Variants in ZMYM2 observed in about 807,000 individuals in gnomAD.
ZMYM2 encodes zinc finger MYM-type containing 2.
ZMYM2 carries 56 observed loss-of-function variants against 162.8 expected under a neutral mutation model. The ratio of observed to expected loss-of-function variants is 0.34; its 90% CI spans 0.28 to 0.43. ZMYM2 has a LOEUF of 0.43. Ranked by LOEUF, ZMYM2 falls within the 20% of genes least tolerant of loss-of-function variation. The probability of loss-of-function intolerance (pLI) is 1.00; values close to 1 mark genes in which losing one functional copy is unlikely to be tolerated. For missense variants in ZMYM2, 1,275 were observed against 1,621.8 expected, an observed-to-expected ratio of 0.79 and a Z score of 3.67; for synonymous variants, 510 against 541.6, an observed-to-expected ratio of 0.94 and a Z score of 0.81.
chr13:19,873,190 A>G, the ZMYM2 span, among the ~76,000 whole-genome samples: 1 of 152,032 alleles, frequency 6.6e-6, no homozygotes, highest in African/African-American at 2.4e-5. Context: ...GATTGTATCA[A>G]TGGTCCCAAT....
the ZMYM2 span, among the ~76,000 whole-genome samples, chr13:19,879,372 T>C: frequency 6.6e-6 from 1 of 152,202 alleles, no homozygotes; most frequent in South Asian, 2.1e-4. Flanking sequence ...ACTCAGGAAT[T>C]TGAGGCCAGT....
chr13:20,074,803 G>A (rs538887753), intron 21 of ZMYM2, among the ~76,000 whole-genome samples: 86 of 151,824 alleles, frequency 5.7e-4, no homozygotes, highest in Non-Finnish European at 1.1e-3. Context: ...CTCCCAAAGT[G>A]TTGGGATTAC....
At chr13:20,031,170 G>T in intron 9 of ZMYM2, 149 bp from the exon 10 acceptor site, 2 of 489,026 alleles carry the variant, frequency 4.1e-6, no homozygotes, top group Non-Finnish European at 3.5e-6. Flanking sequence ...AATTTTTAAG[G>T]ACAAAATTTG....
rs145851588 is a variant in ZMYM2, at chr13:20,069,787, A to G, written c.3453+2397A>G. On this transcript the variant is annotated intron_variant, in intron 21 of 24. Coordinates refer to ENST00000610343, the MANE Select transcript of ZMYM2 (RefSeq NM_197968.4). ...AGTTCAGAGTTTTCTTTTTTTAACG[A>G]TAATTTATATTTATAAAGAACATTG... 3.2e-3 allele frequency among the ~76,000 whole-genome samples: 480 copies of G among 151,932 alleles called. 5 individuals are homozygous for G. The highest frequency in any genetic ancestry group is 0.011 in the African/African-American group (454 of 41,480).
chr13:19,996,426 TA>T (rs556538792), intron 3 of ZMYM2, among the ~76,000 whole-genome samples: 9 of 146,720 alleles, frequency 6.1e-5, no homozygotes, highest in African/African-American at 1.0e-4. Context: ...CTACTAAAGA[TA>T]AAAAAAAAAC....
Position 20,025,341 on chromosome 13 carries a change from A to G in ZMYM2, c.1585-1271A>G, listed in dbSNP as rs146772687. 7.6e-4 allele frequency: 145 copies of G among 191,462 alleles called. 1 individual carries two copies. The highest frequency in any genetic ancestry group is 3.0e-3 in the African/African-American group (129 of 43,136). 11.9% of individuals were successfully genotyped at this position (191,462 alleles called of 1,614,324 possible). On this transcript the variant is annotated intron_variant, in intron 7 of 24. Transcript: ENST00000610343. ...AACTTGACTATGACAGAGTTCTGCA[A>G]CCACTCAGAGGATCAAAACAACTTG... is the stretch of plus-strand genomic sequence containing the variant.
At chr13:19,925,224 C>A in the ZMYM2 span, among the ~76,000 whole-genome samples, 3 of 152,256 alleles carry the variant, frequency 2.0e-5, no homozygotes, top group South Asian at 6.2e-4. Context: ...AGTGGCTGTG[C>A]TGTTTTATAT....
intron 11 of ZMYM2, among the ~76,000 whole-genome samples, chr13:20,035,098 A>C (rs1016346873): frequency 5.3e-5 from 8 of 152,144 alleles, no homozygotes; most frequent in Non-Finnish European, 1.0e-4. Flanking sequence ...CATGGCACTG[A>C]ACTCCCAGCT....
the ZMYM2 span, among the ~76,000 whole-genome samples, chr13:19,917,039 T>G: frequency 6.6e-6 from 1 of 152,164 alleles, no homozygotes; most frequent in African/African-American, 2.4e-5. Context: ...CTCCGCTCGC[T>G]GCAAACTCTG....
intron 4 of ZMYM2, among the ~76,000 whole-genome samples, chr13:20,004,114 C>G (rs531558973): frequency 2.0e-5 from 3 of 152,322 alleles, no homozygotes; most frequent in Admixed American, 6.5e-5. Context: ...TTAGTGTTCT[C>G]TACATGTTTA....
At chr13:19,956,110 T>TA (rs1954509714), upstream of ZMYM2, among the ~76,000 whole-genome samples, 1 of 152,192 alleles carries the variant, frequency 6.6e-6, no homozygotes, top group Non-Finnish European at 1.5e-5. Context: ...GTCACTCCAT[T>TA]AAAAAACCTC....
the ZMYM2 span, among the ~76,000 whole-genome samples, chr13:19,932,674 G>A: frequency 2.4e-4 from 37 of 151,850 alleles, no homozygotes; most frequent in African/African-American, 8.7e-4. Context: ...ACACCAGAGA[G>A]CTTGCTCACT....
chr13:19,911,215 C>T, the ZMYM2 span, among the ~76,000 whole-genome samples: 1 of 151,960 alleles, frequency 6.6e-6, no homozygotes, highest in Non-Finnish European at 1.5e-5. Flanking sequence ...CACCACCATG[C>T]TTGGCTAATT....
At chr13:20,045,320 C>T (rs1374369095) in intron 12 of ZMYM2, among the ~76,000 whole-genome samples, 1 of 151,986 alleles carries the variant, frequency 6.6e-6, no homozygotes, top group Non-Finnish European at 1.5e-5. Context: ...TAAAGTAATT[C>T]CCAAGTTGTT....
chr13:19,990,966 CAG>C (rs1181308496), intron 2 of ZMYM2, among the ~76,000 whole-genome samples: 1 of 151,990 alleles, frequency 6.6e-6, no homozygotes, highest in Non-Finnish European at 1.5e-5. Flanking sequence ...GGTTCTTGTT[CAG>C]AGTTAGTGAT....
At chr13:19,939,238 G>T in the ZMYM2 span, among the ~76,000 whole-genome samples, 3 of 151,594 alleles carry the variant, frequency 2.0e-5, no homozygotes, top group Non-Finnish European at 4.4e-5. Flanking sequence ...TGCCCAGGCT[G>T]GTCTTGAACT....
chr13:19,888,787 T>C, the ZMYM2 span, among the ~76,000 whole-genome samples: 2 of 151,344 alleles, frequency 1.3e-5, no homozygotes, highest in Non-Finnish European at 2.9e-5. Flanking sequence ...TTAGTAGAGA[T>C]GGGGTTTCAG....
At chr13:19,886,997 T>G in the ZMYM2 span, among the ~76,000 whole-genome samples, 1 of 151,738 alleles carries the variant, frequency 6.6e-6, no homozygotes, top group Non-Finnish European at 1.5e-5. Context: ...CTGACTGCAT[T>G]CCCCTGGTGT....
chr13:19,874,354 G>A, the ZMYM2 span, among the ~76,000 whole-genome samples: 298 of 152,074 alleles, frequency 2.0e-3, no homozygotes, highest in African/African-American at 6.8e-3. Flanking sequence ...TAAGTGGCTG[G>A]GACTTCAGGT....
Sources: gnomAD v4.1 joint callset for allele counts (sites outside exome capture counted in the v4.1 genomes callset) on GRCh38, gnomAD v4.1.1 for gene constraint, MANE v1.5 for transcripts, NCBI Gene and HGNC (gene_info 2026-07-23, HGNC 2026-07-21) for gene names.